The following GREM2 variants were observed in gnomAD, a reference collection of about 807,000 sequenced individuals.
The protein encoded by GREM2 is gremlin 2, DAN family BMP antagonist.
Under a neutral mutation model 14.2 loss-of-function variants are expected in GREM2, and 11 were observed. The ratio of observed to expected loss-of-function variants is 0.78; its 90% confidence interval spans 0.49 to 1.28. GREM2 has a LOEUF of 1.28. Among genes scored for constraint, GREM2 ranks in the 50% most tolerant of loss-of-function variants. GREM2 has a pLI of 0.00. For synonymous variants in GREM2, 98 were observed against 97.6 expected, an observed-to-expected ratio of 1.00 and a Z score of -0.02; for missense variants, 210 against 218.5, an observed-to-expected ratio of 0.96 and a Z score of 0.24.
intron 1 of GREM2, among the ~76,000 whole-genome samples, chr1:240,603,934 T>C (rs374486175): frequency 4.0e-5 from 6 of 151,662 alleles, no homozygotes; most frequent in African/African-American, 1.5e-4. Flanking sequence ...TTTATTTGAC[T>C]CACAGCTCTG....
intron 1 of GREM2, among the ~76,000 whole-genome samples, chr1:240,527,547 T>C (rs1175294697): frequency 6.6e-6 from 1 of 152,198 alleles, no homozygotes; most frequent in Non-Finnish European, 1.5e-5. Context: ...TTTGAATGTA[T>C]GTGTTAGTGT....
Position 240,523,344 on chromosome 1 carries a change from G to A in GREM2, c.-1-29868C>T, listed in dbSNP as rs114919157. On this transcript the variant is annotated intron_variant, in intron 1 of 1. Transcript: ENST00000318160. The stretch of plus-strand genomic sequence containing the variant: ...GATATTTTGGGCTGGATCATTCTGT[G>A]CTGTAAGGGGCTGTCAAGTACATTG... Among the ~76,000 whole-genome samples the A allele has an allele frequency of 8.9e-3, 1,348 of 152,288 alleles. 14 individuals carry two copies. The highest frequency in any genetic ancestry group is 0.03 in the African/African-American group (1,253 of 41,550).
At chr1:240,520,072 C>T (rs898279844) in intron 1 of GREM2, among the ~76,000 whole-genome samples, 2 of 85,018 alleles carry the variant, frequency 2.4e-5, no homozygotes, top group Non-Finnish European at 4.9e-5. Context: ...AAGAGCAAAA[C>T]TCCATCCCAA....
intron 1 of GREM2, among the ~76,000 whole-genome samples, chr1:240,520,353 G>T (rs1678056600): frequency 6.6e-6 from 1 of 152,026 alleles, no homozygotes; most frequent in African/African-American, 2.4e-5. Context: ...AATGCAGGGG[G>T]ACAAATAACC....
chr1:240,502,166 T>A (rs1677583336), intron 1 of GREM2, among the ~76,000 whole-genome samples: 1 of 152,040 alleles, frequency 6.6e-6, no homozygotes, highest in Non-Finnish European at 1.5e-5. Context: ...TACATAAAAA[T>A]TCAAGAGGCC....
chr1:240,559,340 C>A (rs1410496410), intron 1 of GREM2, among the ~76,000 whole-genome samples: 1 of 110,104 alleles, frequency 9.1e-6, no homozygotes. Flanking sequence ...ATCAAAAAGT[C>A]TTTTTTTTTT....
At chr1:240,532,636 TATATATAGATAG>T (rs1255920587) in intron 1 of GREM2, among the ~76,000 whole-genome samples, 3,261 of 80,974 alleles carry the variant, frequency 0.04, 40 homozygotes, top group African/African-American at 0.051. Context: ...ATATAAGAGA[TATATATAGATAG>T]ATAGATAGAT....
chr1:240,497,121 G>A (rs934250267), intron 1 of GREM2, among the ~76,000 whole-genome samples: 9 of 152,156 alleles, frequency 5.9e-5, no homozygotes, highest in South Asian at 2.1e-4. Flanking sequence ...ACGTGACTGC[G>A]TGACAAAGGT....
chr1:240,579,213 A>C (rs1178056806), intron 1 of GREM2, among the ~76,000 whole-genome samples: 1 of 152,188 alleles, frequency 6.6e-6, no homozygotes, highest in African/African-American at 2.4e-5. Flanking sequence ...GAAGTCTAGA[A>C]GGTTGTGGAG....
intron 1 of GREM2, among the ~76,000 whole-genome samples, chr1:240,599,503 G>T (rs1362571650): frequency 1.3e-5 from 2 of 152,144 alleles, no homozygotes; most frequent in African/African-American, 4.8e-5. Flanking sequence ...GCTCTGGATG[G>T]ACACACTCAT....
At chr1:240,557,810 C>CCAGA (rs1176471072) in intron 1 of GREM2, among the ~76,000 whole-genome samples, 1 of 151,112 alleles carries the variant, frequency 6.6e-6, no homozygotes, top group Non-Finnish European at 1.5e-5. Flanking sequence ...GAGCAACCAC[C>CCAGA]CAGACAGGGT....
At chr1:240,510,576 T>C (rs536399379) in intron 1 of GREM2, among the ~76,000 whole-genome samples, 1 of 152,092 alleles carries the variant, frequency 6.6e-6, no homozygotes, top group East Asian at 1.9e-4. Flanking sequence ...TGCAACACTT[T>C]TCAGTACTAA....
chr1:240,521,949 C>T (rs1355557298), intron 1 of GREM2, among the ~76,000 whole-genome samples: 5 of 150,364 alleles, frequency 3.3e-5, no homozygotes, highest in African/African-American at 1.2e-4. Context: ...CCATCTCTAC[C>T]AAAAAAAAAA....
At position 240,491,280 on chromosome 1, in the gene GREM2, GTC is replaced by G. The variant is rs1255562907; in HGVS notation, c.*1687_*1688del. 6.6e-6 allele frequency: 1 copy of G among 152,518 alleles called. No homozygotes were observed. Among genetic ancestry groups the G allele is most frequent in the African/African-American group, 2.4e-5 (1 of 41,408 alleles). The allele number at this position is 152,518 out of a possible 1,614,324, so 9.4% of individuals were successfully genotyped here. A position where few individuals can be genotyped will look rare whatever the true frequency, so the allele number is the denominator to read the frequency against. ...AAGTCCCCACAGCGGCTTGCAGAGGGTCTCTCTCACATACTAGGGAAGTGGCC... is the reference window on the plus strand; with the variant it reads ...AAGTCCCCACAGCGGCTTGCAGAGGGTCTCTCACATACTAGGGAAGTGGCC... On this transcript the variant is annotated 3_prime_UTR_variant, in exon 2 of 2. Coordinates refer to ENST00000318160, the MANE Select transcript of GREM2 (RefSeq NM_022469.4).
intron 1 of GREM2, among the ~76,000 whole-genome samples, chr1:240,496,023 G>T (rs1316180385): frequency 2.0e-5 from 3 of 151,728 alleles, no homozygotes; most frequent in Non-Finnish European, 4.4e-5. Flanking sequence ...TGCAACCTCT[G>T]CCTCCCAAGT....
At chr1:240,577,240 G>A (rs1283588918) in intron 1 of GREM2, among the ~76,000 whole-genome samples, 2 of 151,866 alleles carry the variant, frequency 1.3e-5, no homozygotes, top group Non-Finnish European at 2.9e-5. Context: ...GAATTGAGTC[G>A]GCCATAAAAG....
chr1:240,522,639 A>G (rs938386256), intron 1 of GREM2, among the ~76,000 whole-genome samples: 5 of 152,174 alleles, frequency 3.3e-5, no homozygotes, highest in African/African-American at 1.2e-4. Flanking sequence ...TGACTTACAC[A>G]TTTGTTAACT....
rs1171973243 is a variant in GREM2 at position 240,491,607 on chromosome 1, C to A, written c.*1362G>T. ...TGAAGTCTATTCTTTGAAAAGGAAG[C>A]ATGTTTTGTGCAGAACAGTTCAACT... On this transcript the variant is annotated 3_prime_UTR_variant, in exon 2 of 2. Transcript: ENST00000318160. The A allele has an allele frequency of 6.6e-6, 1 of 152,604 alleles. No homozygotes were observed. Among genetic ancestry groups the A allele is most frequent in the African/African-American group, 2.4e-5 (1 of 41,452 alleles). The allele number at this position is 152,604 out of a possible 1,614,324, so 9.5% of individuals were successfully genotyped here.
intron 1 of GREM2, among the ~76,000 whole-genome samples, chr1:240,600,707 C>T (rs1207604412): frequency 6.6e-6 from 1 of 152,148 alleles, no homozygotes; most frequent in African/African-American, 2.4e-5. Context: ...TGGTCTCGAA[C>T]TCCTGACCTC....
Sources: allele counts gnomAD v4.1 joint callset (sites outside exome capture counted in the v4.1 genomes callset), GRCh38; gene constraint gnomAD v4.1.1; transcripts MANE v1.5; gene names NCBI Gene and HGNC (gene_info 2026-07-23, HGNC 2026-07-21).